Variants in ACSL4 observed in about 807,000 individuals in gnomAD.
The protein encoded by ACSL4 is long-chain-fatty-acid--CoA ligase 4.
ACSL4 carries 9 observed loss-of-function variants against 49.1 expected under a neutral mutation model. The observed-to-expected ratio is 0.18, with a 90% confidence interval of 0.11 to 0.32. ACSL4 has a LOEUF of 0.32. ACSL4 is among the 10% of genes least tolerant of loss of function. The probability of loss-of-function intolerance (pLI) is 1.00; values close to 1 mark genes in which losing one functional copy is unlikely to be tolerated. For missense variants in ACSL4, 333 were observed against 493.7 expected (o/e 0.67, Z 3.08); for synonymous variants, 191 against 170.3 (o/e 1.12, Z -0.95).
chrX:109,671,812 C>T (rs1306512962), intron 9 of ACSL4, among the ~76,000 whole-genome samples: 1 of 111,027 alleles, frequency 9.0e-6, no homozygotes, highest in East Asian at 2.8e-4. Flanking sequence ...GTGCTGTGTC[C>T]ACTAAGGGTT....
chrX:109,644,320 C>T (rs929507776), intron 15 of ACSL4, 134 bp from the exon 16 acceptor site: 23 of 573,185 alleles, frequency 4.0e-5, no homozygotes, highest in East Asian at 1.8e-4. Context: ...CTAGATGATT[C>T]GGGTGTTGAA....
intron 2 of ACSL4, among the ~76,000 whole-genome samples, chrX:109,685,211 G>A (rs1054086225): frequency 2.9e-5 from 3 of 104,634 alleles, no homozygotes; most frequent in Non-Finnish European, 5.8e-5. Context: ...TCCCACCTCA[G>A]CCTCCCGAGT....
intron 1 of ACSL4, among the ~76,000 whole-genome samples, chrX:109,715,169 G>T (rs1415070440): frequency 8.9e-6 from 1 of 111,892 alleles, no homozygotes; most frequent in African/African-American, 3.2e-5. Context: ...TAATAATTTT[G>T]AATTCTGAAA....
chrX:109,678,454 T>C (rs1312067199), intron 6 of ACSL4, 39 bp from the exon 7 acceptor site: 3 of 1,189,144 alleles, frequency 2.5e-6, no homozygotes, highest in Admixed American at 2.2e-5. Context: ...TTACTTCAGT[T>C]CAAAAGTTAA....
chrX:109,717,517 G>T (rs976513036), intron 1 of ACSL4, among the ~76,000 whole-genome samples: 5 of 110,976 alleles, frequency 4.5e-5, no homozygotes, highest in Admixed American at 2.9e-4. Flanking sequence ...AAAAGAACAA[G>T]AAAAGATTAA....
In ACSL4 at chrX:109,643,193, G is replaced by A. The variant is rs748630454; in HGVS notation, c.*836C>T. On this transcript the variant is annotated 3_prime_UTR_variant, in exon 16 of 16. Transcript: ENST00000672401. ...TTTATCACCTTTTCTAAGAGAAAATGTTTGCCTGTTAACTTTTTACCTTCC... is the reference window on the plus strand; with the variant it reads ...TTTATCACCTTTTCTAAGAGAAAATATTTGCCTGTTAACTTTTTACCTTCC... 1 of 111,976 alleles carries A rather than the reference G, an allele frequency of 8.9e-6. No homozygotes were observed. Among genetic ancestry groups the A allele is most frequent in the African/African-American group, 3.2e-5 (1 of 30,826 alleles). 9.2% of individuals were successfully genotyped at this position (111,976 alleles called of 1,213,427 possible).
intron 15 of ACSL4, among the ~76,000 whole-genome samples, chrX:109,651,558 G>T (rs188260638): frequency 8.9e-6 from 1 of 111,846 alleles, no homozygotes; most frequent in Admixed American, 9.5e-5. Context: ...AATTAACCAG[G>T]TCTACTCTGT....
In ACSL4 at chrX:109,702,813, A is replaced by G. The variant is rs150445044; in HGVS notation, c.-65-6617T>C. ...AACACAATCTGGGCAACAAATAACA[A>G]TAATACTAGATTATATCCCACAGAG... On this transcript the variant is annotated intron_variant, in intron 1 of 15. Transcript: ENST00000672401. Among the ~76,000 whole-genome samples, 993 of 112,182 alleles carry G rather than the reference A, an allele frequency of 8.9e-3. 12 individuals carry two copies. The highest frequency in any genetic ancestry group is 0.029 in the African/African-American group (883 of 30,882).
intron 1 of ACSL4, among the ~76,000 whole-genome samples, chrX:109,722,378 T>C (rs767603886): frequency 3.6e-5 from 4 of 112,101 alleles, no homozygotes; most frequent in African/African-American, 9.7e-5. Flanking sequence ...TTGCCACAGA[T>C]ACCTAGATTT....
In ACSL4 at chrX:109,674,542, A is replaced by G. The variant is rs1047378897; in HGVS notation, c.931-69T>C. 15 of 778,714 alleles carry G rather than the reference A, an allele frequency of 1.9e-5. No homozygotes were observed. In the East Asian group the frequency reaches 4.9e-4, roughly 26 times the overall value. The allele number at this position is 778,714 out of a possible 1,213,427, so 64.2% of individuals were successfully genotyped here. On this transcript the variant is annotated intron_variant, in intron 8 of 15. Coordinates refer to ENST00000672401, the MANE Select transcript of ACSL4 (RefSeq NM_001318510.2). ...AAAACATGTTGTAATTCAAGTATTA[A>G]TAACAAATACAGAAGTTACACTTGG...
At chrX:109,687,308 A>C (rs911143367) in intron 2 of ACSL4, among the ~76,000 whole-genome samples, 2 of 112,618 alleles carry the variant, frequency 1.8e-5, no homozygotes, top group African/African-American at 6.5e-5. Flanking sequence ...CGTACCCATC[A>C]TTAGGCAAAA....
In ACSL4 at chrX:109,681,105, T is replaced by A. The variant is rs373868020; in HGVS notation, c.548A>T (p.His183Leu). ...TALLDISCVKHIIYVDNKAIN... is the reference protein window; with the variant it reads ...TALLDISCVKLIIYVDNKAIN... ...AGCCTTATTGTCCACATAAATGATA[T>A]GTTTAACACAACTGATATCTAACAA... is the stretch of plus-strand genomic sequence containing the variant. Residue 183 changes from histidine to leucine, a missense_variant, in exon 6 of 16, where the codon CAT becomes CTT. By Grantham distance (99) the His-to-Leu change is moderately conservative. Around this residue, in one of 3 missense-constraint regions of ACSL4, gnomAD observed 157 missense variants for 201.1 expected, o/e 0.78. Coordinates refer to ENST00000672401, the MANE Select transcript of ACSL4 (RefSeq NM_001318510.2). The A allele has an allele frequency of 9.1e-6, 11 of 1,208,975 alleles. No individual in the cohort carries two copies. The African/African-American group carries it at 1.9e-4, about 21-fold the overall frequency.
At chrX:109,665,721 A>AG (rs3831071) in intron 11 of ACSL4, among the ~76,000 whole-genome samples, 6 of 110,556 alleles carry the variant, frequency 5.4e-5, no homozygotes, top group African/African-American at 9.9e-5. Context: ...TAAGTACAAA[A>AG]TATCTGTTAA....
chrX:109,646,913 G>A (rs1052728420), intron 15 of ACSL4, among the ~76,000 whole-genome samples: 15 of 111,499 alleles, frequency 1.3e-4, no homozygotes, highest in African/African-American at 2.3e-4. Flanking sequence ...ACAAAGATCA[G>A]AAGAGACAAA....
intron 1 of ACSL4, among the ~76,000 whole-genome samples, chrX:109,719,877 C>T (rs1927413681): frequency 9.0e-6 from 1 of 111,293 alleles, no homozygotes; most frequent in African/African-American, 3.3e-5. Flanking sequence ...CCTGTAATCC[C>T]AGCTACTAAG....
In ACSL4 at chrX:109,700,815, C is replaced by T. The variant is rs779467544; in HGVS notation, c.-65-4619G>A. Among the ~76,000 whole-genome samples, 238 of 110,074 alleles carry T rather than the reference C, an allele frequency of 2.2e-3. 1 individual carries two copies. The highest frequency in any genetic ancestry group is 9.8e-3 in the South Asian group (25 of 2,543). ...ATCCCAGCACTTTGGGAGGCTGAGGCGGGCGGATCATGAGGTCAGGAGTTC... is the reference window on the plus strand; with the variant it reads ...ATCCCAGCACTTTGGGAGGCTGAGGTGGGCGGATCATGAGGTCAGGAGTTC... On this transcript the variant is annotated intron_variant, in intron 1 of 15. Transcript: ENST00000672401.
At chrX:109,668,381 T>C (rs886154875) in intron 10 of ACSL4, 108 bp from the exon 11 acceptor site, 1 of 679,935 alleles carries the variant, frequency 1.5e-6, no homozygotes, top group African/African-American at 2.2e-5. Flanking sequence ...AACATCTCAA[T>C]GTCAGAATCA....
intron 15 of ACSL4, among the ~76,000 whole-genome samples, chrX:109,654,765 G>C (rs766040229): frequency 8.9e-6 from 1 of 112,251 alleles, no homozygotes; most frequent in Admixed American, 9.4e-5. Flanking sequence ...GCTGGAAAGA[G>C]CAGCACTGGT....
intron 1 of ACSL4, among the ~76,000 whole-genome samples, chrX:109,715,617 T>C (rs964516522): frequency 9.1e-6 from 1 of 110,027 alleles, no homozygotes; most frequent in Non-Finnish European, 1.9e-5. Context: ...TCCGACTGCA[T>C]CTCAAAAAAA....
Sources: allele counts gnomAD v4.1 joint callset (sites outside exome capture counted in the v4.1 genomes callset), GRCh38; gene constraint gnomAD v4.1.1; regional missense constraint gnomAD v4.1.1; transcripts MANE v1.5; gene names NCBI Gene and HGNC (gene_info 2026-07-23, HGNC 2026-07-21).